The following INPP4B variants were observed in gnomAD, a reference collection of about 807,000 sequenced individuals.
The protein encoded by INPP4B is inositol polyphosphate-4-phosphatase type II B, also known as inositol polyphosphate 4-phosphatase type II.
Under a neutral mutation model 122.5 loss-of-function variants are expected in INPP4B, and 55 were observed. That is an observed-to-expected ratio of 0.45 (90% CI 0.36 to 0.56). The LOEUF (loss-of-function observed/expected upper bound fraction) is 0.56. INPP4B is among the 20% of genes least tolerant of loss of function. The probability of loss-of-function intolerance (pLI) is 0.00; values close to 1 mark genes in which losing one functional copy is unlikely to be tolerated. For missense variants in INPP4B, 1,000 were observed against 1,097.7 expected (o/e 0.91, Z 1.26); for synonymous variants, 403 against 388.7 (o/e 1.04, Z -0.43).
At chr4:142,555,587 G>T (rs185317064) in intron 2 of INPP4B, among the ~76,000 whole-genome samples, 2 of 151,948 alleles carry the variant, frequency 1.3e-5, no homozygotes, top group Admixed American at 6.6e-5. Context: ...AAAGCATTTC[G>T]GCCAGGCGTG....
intron 25 of INPP4B, among the ~76,000 whole-genome samples, chr4:142,078,097 G>A (rs1245140157): frequency 6.6e-6 from 1 of 151,812 alleles, no homozygotes; most frequent in Non-Finnish European, 1.5e-5. Context: ...TTTCTAATCT[G>A]AAGAGGCATT....
chr4:142,767,673 T>C (rs190468350), intron 1 of INPP4B: 2 of 152,268 alleles, frequency 1.3e-5, no homozygotes, highest in East Asian at 3.9e-4. Context: ...TGGAAGGAGT[T>C]ACGAATGACA....
At chr4:142,750,117 A>G (rs1405042675) in intron 1 of INPP4B, among the ~76,000 whole-genome samples, 1 of 152,062 alleles carries the variant, frequency 6.6e-6, no homozygotes, top group Non-Finnish European at 1.5e-5. Flanking sequence ...ATCATTAGAC[A>G]CAAGATAGAT....
intron 2 of INPP4B, among the ~76,000 whole-genome samples, chr4:142,653,860 G>A (rs750429618): frequency 3.9e-5 from 6 of 151,966 alleles, no homozygotes; most frequent in South Asian, 4.1e-4. Context: ...CCCAGCGATC[G>A]CATTCCTGGG....
chr4:142,824,427 C>T (rs1039887369), intron 1 of INPP4B, among the ~76,000 whole-genome samples: 2 of 152,074 alleles, frequency 1.3e-5, no homozygotes, highest in African/African-American at 4.8e-5. Flanking sequence ...TCTAAATCAT[C>T]GTGGCTCTAA....
intron 23 of INPP4B, among the ~76,000 whole-genome samples, chr4:142,107,071 TC>T (rs1561137611): frequency 6.6e-6 from 1 of 152,156 alleles, no homozygotes; most frequent in Non-Finnish European, 1.5e-5. Flanking sequence ...CCAAAGAATC[TC>T]CATGTACTTA....
At chr4:142,816,703 T>C (rs1780161290) in intron 1 of INPP4B, among the ~76,000 whole-genome samples, 1 of 152,096 alleles carries the variant, frequency 6.6e-6, no homozygotes, top group African/African-American at 2.4e-5. Context: ...CACACACATA[T>C]TCAGCCATTA....
chr4:142,584,233 C>A (rs1403971197), intron 2 of INPP4B, among the ~76,000 whole-genome samples: 1 of 152,050 alleles, frequency 6.6e-6, no homozygotes, highest in Non-Finnish European at 1.5e-5. Context: ...AGAGAGTTCC[C>A]ATATATCCCA....
intron 16 of INPP4B, among the ~76,000 whole-genome samples, chr4:142,169,243 C>T (rs981963460): frequency 1.3e-5 from 2 of 151,576 alleles, no homozygotes; most frequent in East Asian, 3.9e-4. Context: ...TGAAAAACAG[C>T]AACATAATTT....
At chr4:142,114,272 T>C (rs1447499397) in intron 21 of INPP4B, among the ~76,000 whole-genome samples, 1 of 152,072 alleles carries the variant, frequency 6.6e-6, no homozygotes, top group Non-Finnish European at 1.5e-5. Context: ...GCTATTAACA[T>C]GCAGGATTGA....
intron 3 of INPP4B, among the ~76,000 whole-genome samples, chr4:142,447,280 GAGA>G (rs1017470472): frequency 2.6e-5 from 4 of 152,174 alleles, no homozygotes; most frequent in Non-Finnish European, 5.9e-5. Context: ...CGGCAGCCTG[GAGA>G]AGAAGGACAG....
chr4:142,252,280 C>T (rs1027635717), intron 11 of INPP4B, among the ~76,000 whole-genome samples: 15 of 151,332 alleles, frequency 9.9e-5, no homozygotes, highest in Non-Finnish European at 5.9e-5. Flanking sequence ...GCTCCGCCTC[C>T]CGGGTTCACG....
intron 1 of INPP4B, among the ~76,000 whole-genome samples, chr4:142,746,992 C>G (rs1458964911): frequency 6.6e-6 from 1 of 152,106 alleles, no homozygotes; most frequent in Non-Finnish European, 1.5e-5. Flanking sequence ...ACACCAAAAG[C>G]AATGGCAACA....
intron 8 of INPP4B, among the ~76,000 whole-genome samples, chr4:142,312,073 G>C (rs1765716235): frequency 6.6e-6 from 1 of 152,142 alleles, no homozygotes. Flanking sequence ...GCAAAAATAG[G>C]CATGTCACAG....
chr4:142,041,972 G>T (rs1318553963), intron 25 of INPP4B, among the ~76,000 whole-genome samples: 1 of 152,050 alleles, frequency 6.6e-6, no homozygotes, highest in Non-Finnish European at 1.5e-5. Flanking sequence ...TTCTATCACA[G>T]GAAATGACAC....
At chr4:142,363,851 G>T (rs1226913315) in intron 7 of INPP4B, among the ~76,000 whole-genome samples, 4 of 152,046 alleles carry the variant, frequency 2.6e-5, no homozygotes, top group Non-Finnish European at 5.9e-5. Flanking sequence ...AGGTTCATCT[G>T]CATTCCTCAA....
chr4:142,102,460 CTTTTTTTTTTTTT>C (rs35404733), intron 23 of INPP4B, among the ~76,000 whole-genome samples: 1 of 99,694 alleles, frequency 1.0e-5, no homozygotes, highest in Admixed American at 1.1e-4. Context: ...TGAACAAAGT[CTTTTTTTTTTTTT>C]TTTTTTTTGA....
intron 1 of INPP4B, among the ~76,000 whole-genome samples, chr4:142,784,471 C>T (rs1775430760): frequency 6.6e-6 from 1 of 151,894 alleles, no homozygotes; most frequent in African/African-American, 2.4e-5. Context: ...GGGCAAACCA[C>T]CACCCCAGAA....
At chr4:142,475,088 C>T (rs891083794) in intron 2 of INPP4B, among the ~76,000 whole-genome samples, 1 of 152,172 alleles carries the variant, frequency 6.6e-6, no homozygotes, top group Non-Finnish European at 1.5e-5. Flanking sequence ...AAAGATATGG[C>T]CTGTCTGCCA....
Sources: allele counts gnomAD v4.1 joint callset (sites outside exome capture counted in the v4.1 genomes callset), GRCh38; gene constraint gnomAD v4.1.1; transcripts MANE v1.5; gene names NCBI Gene and HGNC (gene_info 2026-07-23, HGNC 2026-07-21).